The following BTLA variants were observed in gnomAD, a reference collection of about 807,000 sequenced individuals.
The protein encoded by BTLA is B- and T-lymphocyte attenuator.
Under a neutral mutation model 25.0 loss-of-function variants are expected in BTLA, and 11 were observed. The observed-to-expected ratio is 0.44, with a 90% CI of 0.28 to 0.73. The LOEUF is 0.73. BTLA is among the 30% of genes least tolerant of loss of function. The pLI is 0.15. For synonymous variants in BTLA, 104 were observed against 119.8 expected, an observed-to-expected ratio of 0.87 and a Z score of 0.86; for missense variants, 282 against 332.8, an observed-to-expected ratio of 0.85 and a Z score of 1.19.
rs34606026 is a variant in BTLA, at chr3:112,498,568, C to CTTTTTTTT, written c.88+695_88+702dup. ...GACTTTACAATAAAAAAGAAATTGC[C>CTTTTTTTT]TTTTTTTTTTTTTTTTTTTTTTTGC... On this transcript the variant is annotated intron_variant, in intron 1 of 4. Coordinates refer to ENST00000334529, the MANE Select transcript of BTLA (RefSeq NM_181780.4). Among the ~76,000 whole-genome samples, 7 of 83,880 alleles carry CTTTTTTTT rather than the reference C, an allele frequency of 8.3e-5. 1 individual carries two copies. Among genetic ancestry groups the CTTTTTTTT allele is most frequent in the South Asian group, 8.0e-4 (2 of 2,496 alleles). 55.0% of individuals were successfully genotyped at this position (83,880 alleles called of 152,430 possible).
chr3:112,476,667 A>T (rs2082290156), intron 2 of BTLA, among the ~76,000 whole-genome samples: 2 of 152,212 alleles, frequency 1.3e-5, no homozygotes, highest in South Asian at 4.1e-4. Context: ...ATCCAAATAT[A>T]TTTTTATTGT....
rs992429403 is a variant in BTLA at position 112,485,262 on chromosome 3, C to G, written c.89-5493G>C. 1.8e-4 allele frequency among the ~76,000 whole-genome samples: 28 copies of G among 152,092 alleles called. 1 individual carries two copies. The highest frequency in any genetic ancestry group is 6.5e-4 in the African/African-American group (27 of 41,414). On this transcript the variant is annotated intron_variant, in intron 1 of 4. Transcript: ENST00000334529. ...GTTTCGCCATGTTAGCCAGGCTGAT[C>G]TCGAACTCCTGACCTCAGGTGATCC...
intron 1 of BTLA, among the ~76,000 whole-genome samples, chr3:112,484,907 C>A (rs1206722912): frequency 1.3e-5 from 2 of 152,168 alleles, no homozygotes; most frequent in Non-Finnish European, 2.9e-5. Flanking sequence ...GGCTTGCAAG[C>A]AGGCATTAGA....
At chr3:112,467,495 C>T (rs1490049883) in intron 4 of BTLA, among the ~76,000 whole-genome samples, 3 of 152,220 alleles carry the variant, frequency 2.0e-5, no homozygotes, top group African/African-American at 7.2e-5. Context: ...TGACATCTGG[C>T]CTAACTCCTT....
At chr3:112,466,992 C>T (rs2082232141) in intron 4 of BTLA, among the ~76,000 whole-genome samples, 1 of 150,922 alleles carries the variant, frequency 6.6e-6, no homozygotes, top group Admixed American at 6.6e-5. Context: ...GGAGTCTTGC[C>T]TATAGCCCAG....
intron 2 of BTLA, among the ~76,000 whole-genome samples, chr3:112,476,956 T>G (rs2082291887): frequency 6.6e-6 from 1 of 152,206 alleles, no homozygotes; most frequent in Non-Finnish European, 1.5e-5. Flanking sequence ...ACCTTTTTCT[T>G]CTTTTACTTA....
rs191499222 is a variant in BTLA, at chr3:112,478,156, T to G, written c.403+1299A>C. On this transcript the variant is annotated intron_variant, in intron 2 of 4. Transcript: ENST00000334529. ...AGGATCAGCTTTTTTATTTCTGCAA[T>G]AGCAACAAAAAGCTGTTAGGATTTT... Among the ~76,000 whole-genome samples the G allele has an allele frequency of 1.7e-4, 26 of 152,174 alleles. No individual in the cohort carries two copies. In the East Asian group the frequency reaches 5.0e-3, roughly 29 times the overall value.
At chr3:112,490,604 AACACACACACAC>A (rs55894234) in intron 1 of BTLA, among the ~76,000 whole-genome samples, 4 of 142,254 alleles carry the variant, frequency 2.8e-5, no homozygotes, top group East Asian at 2.0e-4. Context: ...TCCCTGGGTA[AACACACACACAC>A]ACACACACAC....
chr3:112,488,292 A>G (rs999638372), intron 1 of BTLA, among the ~76,000 whole-genome samples: 6 of 146,650 alleles, frequency 4.1e-5, no homozygotes, highest in African/African-American at 1.5e-4. Flanking sequence ...CAGTGGCGCA[A>G]TCTCCGCTCA....
chr3:112,498,308 G>T (rs1365451188), intron 1 of BTLA, among the ~76,000 whole-genome samples: 2 of 152,064 alleles, frequency 1.3e-5, no homozygotes, highest in African/African-American at 4.8e-5. Context: ...TAGGGACGCT[G>T]AGGCAGGAGA....
chr3:112,474,867 C>T (rs2082280753), intron 2 of BTLA, among the ~76,000 whole-genome samples: 1 of 152,134 alleles, frequency 6.6e-6, no homozygotes, highest in Non-Finnish European at 1.5e-5. Flanking sequence ...TATATGGAAT[C>T]CAGAAACAAT....
intron 3 of BTLA, 118 bp from the exon 4 acceptor site, chr3:112,469,922 G>T: frequency 1.3e-6 from 1 of 785,330 alleles, no homozygotes; most frequent in Non-Finnish European, 2.1e-6. Context: ...GTTTTGGCTT[G>T]TTAATTTGCT....
intron 1 of BTLA, among the ~76,000 whole-genome samples, chr3:112,482,127 T>C (rs990985004): frequency 6.6e-6 from 1 of 152,234 alleles, no homozygotes; most frequent in African/African-American, 2.4e-5. Context: ...AAGCACGTGA[T>C]CCTAAAAGTA....
chr3:112,468,588 C>T (rs1385156380), intron 4 of BTLA, among the ~76,000 whole-genome samples: 2 of 152,180 alleles, frequency 1.3e-5, no homozygotes, highest in Non-Finnish European at 2.9e-5. Context: ...TTTATCCAGC[C>T]TACCCAGGAA....
chr3:112,498,567 CCT>C (rs2082423034), intron 1 of BTLA, among the ~76,000 whole-genome samples: 1 of 120,940 alleles, frequency 8.3e-6, no homozygotes, highest in Non-Finnish European at 1.6e-5. Flanking sequence ...AAAGAAATTG[CCT>C]TTTTTTTTTT....
chr3:112,469,627 A>AGTACATAGAATAGG, intron 4 of BTLA, 131 bp downstream of exon 4: 1 of 33,974 alleles, frequency 2.9e-5, no homozygotes, highest in Non-Finnish European at 9.1e-5. Flanking sequence ...ATATATATAT[A>AGTACATAGAATAGG]TATATATATA....
chr3:112,480,845 T>C (rs973968276), intron 1 of BTLA, among the ~76,000 whole-genome samples: 4 of 152,178 alleles, frequency 2.6e-5, no homozygotes, highest in African/African-American at 9.6e-5. Context: ...AATACATTCA[T>C]TCCATCTCAA....
chr3:112,490,389 C>T (rs145126527), intron 1 of BTLA, among the ~76,000 whole-genome samples: 172 of 152,202 alleles, frequency 1.1e-3, no homozygotes, highest in African/African-American at 4.0e-3. Flanking sequence ...ATTGTTCTCA[C>T]GAGTACAGTG....
At chr3:112,466,837 G>A (rs985151648) in intron 4 of BTLA, among the ~76,000 whole-genome samples, 14 of 152,234 alleles carry the variant, frequency 9.2e-5, no homozygotes, top group African/African-American at 3.1e-4. Flanking sequence ...AGTTAGCCAA[G>A]ATATATTATT....
Sources: gnomAD v4.1 joint callset for allele counts (sites outside exome capture counted in the v4.1 genomes callset) on GRCh38, gnomAD v4.1.1 for gene constraint, MANE v1.5 for transcripts, NCBI Gene and HGNC (gene_info 2026-07-23, HGNC 2026-07-21) for gene names.